The following HS6ST2 variants were observed in gnomAD, a reference collection of about 807,000 sequenced individuals.
HS6ST2 encodes heparan sulfate 6-O-sulfotransferase 2.
A neutral mutation model predicts 33.0 loss-of-function variants in HS6ST2; 17 were observed. That is an observed-to-expected ratio of 0.52 (90% CI 0.35 to 0.77). HS6ST2 has a LOEUF of 0.77. Ranked by LOEUF, HS6ST2 falls within the 30% of genes least tolerant of loss-of-function variation. The pLI is 0.01. For synonymous variants in HS6ST2, 248 were observed against 237.1 expected (o/e 1.05, Z -0.42); for missense variants, 519 against 551.7 (o/e 0.94, Z 0.59).
At chrX:132,790,919 A>C (rs1178308118) in intron 2 of HS6ST2, among the ~76,000 whole-genome samples, 2 of 111,318 alleles carry the variant, frequency 1.8e-5, no homozygotes, top group African/African-American at 6.5e-5. Flanking sequence ...GGGTGGGAAA[A>C]TGACTTGAGG....
At chrX:132,708,422 T>A (rs2064203861) in intron 3 of HS6ST2, 40 bp downstream of exon 3, 2 of 1,054,964 alleles carry the variant, frequency 1.9e-6, no homozygotes, top group Non-Finnish European at 1.3e-6. Flanking sequence ...TTTTCTAGCT[T>A]ACTTGGGTTC....
chrX:132,786,883 A>G (rs1442143880), intron 2 of HS6ST2, among the ~76,000 whole-genome samples: 1 of 107,550 alleles, frequency 9.3e-6, no homozygotes, highest in East Asian at 2.9e-4. Flanking sequence ...TAGCCTCCCA[A>G]AGTGCTGGGA....
rs2065255864 is a variant in HS6ST2 at position 132,803,624 on chromosome X, G to T, written c.948-95130C>A. The stretch of plus-strand genomic sequence containing the variant: ...GGGTTTCGCCATGTTGGCCAGGCTA[G>T]TCTCGAACTCCTGGCCTCAAGTGAT... On this transcript the variant is annotated intron_variant, in intron 2 of 4. Transcript: ENST00000370833. 2.7e-5 allele frequency among the ~76,000 whole-genome samples: 3 copies of T among 111,539 alleles called. No homozygotes were observed. The South Asian group carries it at 1.1e-3, about 43-fold the overall frequency.
chrX:132,691,077 A>G (rs910946179), intron 3 of HS6ST2, among the ~76,000 whole-genome samples: 2 of 112,228 alleles, frequency 1.8e-5, no homozygotes, highest in Non-Finnish European at 3.8e-5. Context: ...GGGCTACTGG[A>G]GTTATTCCCA....
chrX:132,891,885 C>A (rs1355822072), intron 2 of HS6ST2, among the ~76,000 whole-genome samples: 1 of 111,451 alleles, frequency 9.0e-6, no homozygotes, highest in African/African-American at 3.3e-5. Context: ...ATTTATAGTC[C>A]TTTGGGTATA....
At chrX:132,666,550 T>C (rs746836391) in intron 4 of HS6ST2, among the ~76,000 whole-genome samples, 1 of 111,697 alleles carries the variant, frequency 9.0e-6, no homozygotes, top group African/African-American at 3.2e-5. Context: ...GAAATAATAG[T>C]GCCTGTTTCA....
chrX:132,746,818 A>G (rs1300244956), intron 2 of HS6ST2, among the ~76,000 whole-genome samples: 1 of 111,643 alleles, frequency 9.0e-6, no homozygotes, highest in Non-Finnish European at 1.9e-5. Flanking sequence ...CAGACATACC[A>G]CCACAGAGCA....
chrX:132,836,504 C>T (rs1602731624), intron 2 of HS6ST2, among the ~76,000 whole-genome samples: 1 of 112,495 alleles, frequency 8.9e-6, no homozygotes, highest in South Asian at 3.7e-4. Flanking sequence ...CATTCTTGGA[C>T]TCTCTGCATC....
chrX:132,722,730 A>G (rs2064345521), intron 2 of HS6ST2, among the ~76,000 whole-genome samples: 1 of 111,384 alleles, frequency 9.0e-6, no homozygotes, highest in African/African-American at 3.3e-5. Flanking sequence ...GGTCCCAATT[A>G]TGAATTAGGA....
At chrX:132,715,566 G>C (rs1335950097) in intron 2 of HS6ST2, among the ~76,000 whole-genome samples, 1 of 112,220 alleles carries the variant, frequency 8.9e-6, no homozygotes, top group Non-Finnish European at 1.9e-5. Flanking sequence ...GAGAGGGCAG[G>C]GACTTGCCAC....
At chrX:132,728,650 T>A (rs888863158) in intron 2 of HS6ST2, among the ~76,000 whole-genome samples, 2 of 111,689 alleles carry the variant, frequency 1.8e-5, no homozygotes, top group Non-Finnish European at 3.8e-5. Context: ...GGTGATTTTA[T>A]AAAAGGAATA....
At position 132,628,265 on chromosome X, in the gene HS6ST2, A is replaced by C. The variant is rs1341531342; in HGVS notation, c.1896T>G (p.Asn632Lys). 1.7e-6 allele frequency: 2 copies of C among 1,166,990 alleles called. No homozygotes were observed. The change falls in exon 5 of 5, where the codon AAT becomes AAG. Residue 632 changes from asparagine (N) to lysine (K), a missense_variant. Physicochemically the swap from Asn to Lys is moderately conservative, Grantham distance 94 (BLOSUM62 0). Coordinates refer to ENST00000370833, the MANE Select transcript of HS6ST2 (RefSeq NM_001394073.1). The part of the protein sequence containing the change: ...SGKEQNDNTS[N>K]GTNDYIGSVE... ...CACTGCCTATGTAGTCGTTGGTGCC[A>C]TTGCTGGTGTTATCATTCTGCTCCT...
At chrX:132,924,918 T>C (rs975985993) in intron 2 of HS6ST2, among the ~76,000 whole-genome samples, 1 of 110,013 alleles carries the variant, frequency 9.1e-6, no homozygotes, top group Non-Finnish European at 1.9e-5. Context: ...AGCCTGGGAG[T>C]TCGAGACCAG....
At chrX:132,869,040 C>T (rs1302826784) in intron 2 of HS6ST2, among the ~76,000 whole-genome samples, 1 of 107,752 alleles carries the variant, frequency 9.3e-6, no homozygotes, top group Admixed American at 9.9e-5. Context: ...GCTAGCCAGA[C>T]TAATAAAGAA....
chrX:132,649,872 A>C (rs1374391664), intron 4 of HS6ST2, among the ~76,000 whole-genome samples: 1 of 103,005 alleles, frequency 9.7e-6, no homozygotes, highest in Non-Finnish European at 2.0e-5. Flanking sequence ...AAAAAAAAAA[A>C]CACAACTCCG....
intron 2 of HS6ST2, among the ~76,000 whole-genome samples, chrX:132,738,592 C>A (rs1269038007): frequency 8.9e-6 from 1 of 112,595 alleles, no homozygotes; most frequent in Non-Finnish European, 1.9e-5. Context: ...TATTGTAGAG[C>A]AAATAACTAT....
Position 132,628,298 on chromosome X carries a change from G to C in HS6ST2, c.1863C>G (p.Asn621Lys). 1 of 1,167,675 alleles carries C rather than the reference G, an allele frequency of 8.6e-7. No individual in the cohort carries two copies. Among genetic ancestry groups the C allele is most frequent in the Non-Finnish European group, 1.1e-6 (1 of 872,897 alleles). The change falls in exon 5 of 5, where the codon AAC becomes AAG. Residue 621 changes from asparagine to lysine, a missense_variant. Physicochemically the swap from Asn to Lys is moderately conservative, Grantham distance 94 (BLOSUM62 0). Transcript: ENST00000370833. ...QKENRESPKQ[N>K]SGKEQNDNTS... ...TGTTATCATTCTGCTCCTTGCCTGA[G>C]TTCTGCTTCGGGCTTTCCCGGTTCT...
At chrX:132,645,169 A>G (rs746452699) in intron 4 of HS6ST2, among the ~76,000 whole-genome samples, 1 of 112,228 alleles carries the variant, frequency 8.9e-6, no homozygotes, top group African/African-American at 3.2e-5. Flanking sequence ...TCATTTTGTC[A>G]AAGTGTCATG....
At chrX:132,647,133 A>G (rs2063651704) in intron 4 of HS6ST2, among the ~76,000 whole-genome samples, 1 of 111,239 alleles carries the variant, frequency 9.0e-6, no homozygotes, top group Admixed American at 9.5e-5. Context: ...AGGAGAGAGA[A>G]CATCTCCATC....
Sources: gnomAD v4.1 joint callset for allele counts (sites outside exome capture counted in the v4.1 genomes callset) on GRCh38, gnomAD v4.1.1 for gene constraint, MANE v1.5 for transcripts, NCBI Gene and HGNC (gene_info 2026-07-23, HGNC 2026-07-21) for gene names.